The following DOK5 variants were observed in gnomAD, a reference collection of about 807,000 sequenced individuals.
DOK5 encodes downstream of tyrosine kinase 5.
DOK5 carries 27 observed loss-of-function variants against 43.3 expected under a neutral mutation model. The ratio of observed to expected loss-of-function variants is 0.62; its 90% CI spans 0.46 to 0.86. DOK5 has a LOEUF of 0.86. DOK5 is among the 40% of genes least tolerant of loss of function. The pLI, the probability that DOK5 is intolerant of heterozygous loss-of-function variation, is 0.00. For synonymous variants in DOK5, 146 were observed against 140.1 expected (o/e 1.04, Z -0.30); for missense variants, 373 against 392.9 (o/e 0.95, Z 0.43).
In DOK5 at chr20:54,492,462, A is replaced by G. The variant is rs6023288; in HGVS notation, c.66+16450A>G. ...TTAATGTAGTCCACTAACAATGGAC[A>G]TTTTTAGGTAGTTTCCAGGTTTTGC... On this transcript the variant is annotated intron_variant, in intron 1 of 7. Transcript: ENST00000262593. Among the ~76,000 whole-genome samples the G allele has an allele frequency of 2.0e-4, 31 of 152,274 alleles. 1 individual carries two copies. Among genetic ancestry groups the G allele is most frequent in the African/African-American group, 7.5e-4 (31 of 41,552 alleles).
Position 54,617,476 on chromosome 20 carries a change from G to T in DOK5, c.735+6953G>T, listed in dbSNP as rs182161511. On this transcript the variant is annotated intron_variant, in intron 6 of 7. Transcript: ENST00000262593. ...ACTACTGGCATGCATCACCATGTCT[G>T]GTTCCTTTTATTTATTATTTATTTT... Among the ~76,000 whole-genome samples, 124 of 152,116 alleles carry T rather than the reference G, an allele frequency of 8.2e-4. 1 individual carries two copies. The highest frequency in any genetic ancestry group is 9.0e-4 in the Non-Finnish European group (61 of 67,992).
At chr20:54,593,998 T>G (rs1362281405) in intron 5 of DOK5, among the ~76,000 whole-genome samples, 1 of 151,588 alleles carries the variant, frequency 6.6e-6, no homozygotes, top group Non-Finnish European at 1.5e-5. Flanking sequence ...TATCTGAGGG[T>G]GGAGGATGGG....
At chr20:54,531,681 A>T (rs893099715) in intron 1 of DOK5, among the ~76,000 whole-genome samples, 1 of 152,212 alleles carries the variant, frequency 6.6e-6, no homozygotes, top group South Asian at 2.1e-4. Flanking sequence ...GCAATCCAGT[A>T]AAACTTTACA....
chr20:54,550,798 G>C (rs1351464242), intron 1 of DOK5, among the ~76,000 whole-genome samples: 1 of 152,122 alleles, frequency 6.6e-6, no homozygotes, highest in East Asian at 1.9e-4. Flanking sequence ...TTCACCCACA[G>C]AAGGATTTCC....
chr20:54,566,016 CA>C (rs11450454), intron 2 of DOK5, among the ~76,000 whole-genome samples: 1,559 of 100,444 alleles, frequency 0.016, 9 homozygotes, highest in Middle Eastern at 0.052. Context: ...GATTCCGTCT[CA>C]AAAAAAAAAA....
intron 6 of DOK5, among the ~76,000 whole-genome samples, chr20:54,611,467 A>G (rs1195925746): frequency 6.6e-6 from 1 of 152,172 alleles, no homozygotes; most frequent in Non-Finnish European, 1.5e-5. Flanking sequence ...AGGCTGAGAT[A>G]GGAGGATCAC....
intron 2 of DOK5, among the ~76,000 whole-genome samples, chr20:54,583,842 G>T (rs1985713726): frequency 6.6e-6 from 1 of 151,916 alleles, no homozygotes; most frequent in African/African-American, 2.4e-5. Context: ...TCTTTTGATA[G>T]GGCAGTTTAA....
chr20:54,545,302 G>C (rs1461749043), intron 1 of DOK5, among the ~76,000 whole-genome samples: 3 of 152,182 alleles, frequency 2.0e-5, no homozygotes, highest in Non-Finnish European at 2.9e-5. Flanking sequence ...GGTTCTCCTT[G>C]GTTAACATCT....
At position 54,516,384 on chromosome 20, in the gene DOK5, A is replaced by G. The variant is rs73911925; in HGVS notation, c.67-38549A>G. On this transcript the variant is annotated intron_variant, in intron 1 of 7. Transcript: ENST00000262593. ...TTGCCTCTTAGCAGATAGTATGTGTATATGTATTCTGTAGCTCTGCCTGAC... is the reference window on the plus strand; with the variant it reads ...TTGCCTCTTAGCAGATAGTATGTGTGTATGTATTCTGTAGCTCTGCCTGAC... Among the ~76,000 whole-genome samples the G allele has an allele frequency of 3.6e-3, 545 of 152,338 alleles. 1 individual carries two copies. Among genetic ancestry groups the G allele is most frequent in the African/African-American group, 0.013 (527 of 41,584 alleles).
chr20:54,633,431 T>A (rs1322836672), intron 6 of DOK5, among the ~76,000 whole-genome samples: 1 of 152,202 alleles, frequency 6.6e-6, no homozygotes, highest in African/African-American at 2.4e-5. Flanking sequence ...TTATTCTTTC[T>A]CTCTTGGACT....
intron 7 of DOK5, among the ~76,000 whole-genome samples, chr20:54,649,209 C>A (rs1317195731): frequency 1.3e-5 from 2 of 152,076 alleles, no homozygotes; most frequent in Non-Finnish European, 2.9e-5. Flanking sequence ...AGGTTAAGGT[C>A]TTACTCCAGG....
intron 2 of DOK5, among the ~76,000 whole-genome samples, chr20:54,562,107 C>T (rs181002091): frequency 6.6e-5 from 10 of 152,300 alleles, no homozygotes; most frequent in Admixed American, 3.3e-4. Flanking sequence ...GGTCACTGTC[C>T]GTTGGATTTG....
In DOK5 at chr20:54,525,759, C is replaced by T. The variant is rs961474916; in HGVS notation, c.67-29174C>T. On this transcript the variant is annotated intron_variant, in intron 1 of 7. Coordinates refer to ENST00000262593, the MANE Select transcript of DOK5 (RefSeq NM_018431.5). ...AACCATGTTTTACTGCCAATTTTTA[C>T]GATGAAAAAATTTTTGTGGTTTTGC... is the stretch of plus-strand genomic sequence containing the variant. 5.3e-5 allele frequency among the ~76,000 whole-genome samples: 8 copies of T among 152,222 alleles called. No individual in the cohort carries two copies. The South Asian group carries it at 6.2e-4, about 12-fold the overall frequency.
At chr20:54,488,771 T>A (rs568560639) in intron 1 of DOK5, among the ~76,000 whole-genome samples, 67 of 61,904 alleles carry the variant, frequency 1.1e-3, no homozygotes, top group African/African-American at 3.6e-3. Context: ...ACCCCTCCCC[T>A]CCCTCCCCTC....
chr20:54,570,296 G>A (rs1028913774), intron 2 of DOK5, among the ~76,000 whole-genome samples: 3 of 152,208 alleles, frequency 2.0e-5, no homozygotes, highest in Non-Finnish European at 2.9e-5. Context: ...TGTGGACTCA[G>A]AAATGGATGG....
At chr20:54,523,040 A>G (rs1983466259) in intron 1 of DOK5, among the ~76,000 whole-genome samples, 1 of 152,210 alleles carries the variant, frequency 6.6e-6, no homozygotes, top group African/African-American at 2.4e-5. Context: ...TGTCTGGTAC[A>G]TAATAGGTGC....
rs548158930 is a variant in DOK5 at position 54,625,522 on chromosome 20, T to C, written c.735+14999T>C. On this transcript the variant is annotated intron_variant, in intron 6 of 7. Transcript: ENST00000262593. The stretch of plus-strand genomic sequence containing the variant: ...CTCTCAGTACTTTCTATGAGAAATA[T>C]GTAGAATTGTGTTATGAACTGTAGC... Among the ~76,000 whole-genome samples, 13 of 152,322 alleles carry C rather than the reference T, an allele frequency of 8.5e-5. No individual in the cohort carries two copies. In the South Asian group the frequency reaches 2.3e-3, roughly 27 times the overall value.
At chr20:54,625,720 C>T (rs907319162) in intron 6 of DOK5, among the ~76,000 whole-genome samples, 4 of 152,088 alleles carry the variant, frequency 2.6e-5, no homozygotes, top group Non-Finnish European at 5.9e-5. Context: ...TGGCACAGTG[C>T]CTGGTACCTA....
intron 1 of DOK5, among the ~76,000 whole-genome samples, chr20:54,549,770 A>AT (rs566649148): frequency 2.0e-3 from 310 of 152,210 alleles, no homozygotes; most frequent in Middle Eastern, 0.017. Context: ...TGGTGAAGAT[A>AT]TTTTTTCTTG....
Sources: allele counts gnomAD v4.1 joint callset (sites outside exome capture counted in the v4.1 genomes callset), GRCh38; gene constraint gnomAD v4.1.1; transcripts MANE v1.5; gene names NCBI Gene and HGNC (gene_info 2026-07-23, HGNC 2026-07-21).